Variants in NALCN observed in about 807,000 individuals in gnomAD.
The protein encoded by NALCN is sodium leak channel NALCN.
Under a neutral mutation model 225.3 loss-of-function variants are expected in NALCN, and 111 were observed. The observed-to-expected ratio is 0.49, with a 90% CI of 0.42 to 0.58. NALCN has a LOEUF of 0.58. Ranked by LOEUF, NALCN falls within the 20% of genes least tolerant of loss-of-function variation. NALCN has a pLI of 0.00. For missense variants in NALCN, 1,378 were observed against 2,202.4 expected (o/e 0.63, Z 7.49); for synonymous variants, 764 against 769.0 (o/e 0.99, Z 0.11).
chr13:101,083,596 C>G, intron 31 of NALCN, 115 bp downstream of exon 31: 1 of 985,804 alleles, frequency 1.0e-6, no homozygotes, highest in East Asian at 2.6e-5. Flanking sequence ...TCTGTATTAC[C>G]TTATGCACAA....
chr13:101,080,782 T>A (rs2033601536), intron 34 of NALCN, among the ~76,000 whole-genome samples: 1 of 149,044 alleles, frequency 6.7e-6, no homozygotes. Context: ...ATTTAATAAT[T>A]ATTAACAATT....
rs572458620 is a variant in NALCN, at chr13:101,207,805, TG to T, written c.1627-15752del. 2.0e-5 allele frequency among the ~76,000 whole-genome samples: 3 copies of T among 152,350 alleles called. No individual in the cohort carries two copies. The South Asian group carries it at 6.2e-4, about 32-fold the overall frequency. On this transcript the variant is annotated intron_variant, in intron 13 of 43. Transcript: ENST00000251127. ...CCCAAGCCAGCAGCAGCAACCTGCTTGGGTCCCCTTCCGTGCTGTGGAAGCT... is the reference window on the plus strand; with the variant it reads ...CCCAAGCCAGCAGCAGCAACCTGCTTGGTCCCCTTCCGTGCTGTGGAAGCT...
At chr13:101,137,685 A>G (rs2036869924) in intron 17 of NALCN, among the ~76,000 whole-genome samples, 1 of 152,192 alleles carries the variant, frequency 6.6e-6, no homozygotes, top group African/African-American at 2.4e-5. Context: ...TTGATCAGTA[A>G]TTAATATATT....
At chr13:101,325,055 A>G (rs1033309583) in intron 7 of NALCN, among the ~76,000 whole-genome samples, 1 of 152,152 alleles carries the variant, frequency 6.6e-6, no homozygotes, top group Non-Finnish European at 1.5e-5. Context: ...GGTTCCTGGC[A>G]ATACCAAAAC....
chr13:101,269,429 A>G (rs2042704338), intron 10 of NALCN, among the ~76,000 whole-genome samples: 2 of 152,264 alleles, frequency 1.3e-5, no homozygotes, highest in African/African-American at 2.4e-5. Context: ...GTATTAAATG[A>G]AAGTAATGTT....
At chr13:101,094,496 ATAAT>A (rs1193474518) in intron 28 of NALCN, among the ~76,000 whole-genome samples, 1 of 152,174 alleles carries the variant, frequency 6.6e-6, no homozygotes, top group Non-Finnish European at 1.5e-5. Context: ...ACTTTATGCT[ATAAT>A]TAATTTTTAT....
rs543407307 is a variant in NALCN, at chr13:101,126,067, C to G, written c.2119-1386G>C. 9.2e-5 allele frequency among the ~76,000 whole-genome samples: 14 copies of G among 152,284 alleles called. No homozygotes were observed. The East Asian group carries it at 2.3e-3, about 25-fold the overall frequency. The stretch of plus-strand genomic sequence containing the variant: ...AACTCACAGCACCCCATTCTACAAA[C>G]AAAGCTATGAACAAATGCTATAATG... On this transcript the variant is annotated intron_variant, in intron 17 of 43. Coordinates refer to ENST00000251127, the MANE Select transcript of NALCN (RefSeq NM_052867.4).
chr13:101,251,283 A>G (rs2042053951), intron 11 of NALCN, among the ~76,000 whole-genome samples: 1 of 152,132 alleles, frequency 6.6e-6, no homozygotes, highest in African/African-American at 2.4e-5. Flanking sequence ...TCATGCTTCA[A>G]TCGACATGAA....
chr13:101,394,438 G>A (rs184258729), intron 3 of NALCN, among the ~76,000 whole-genome samples: 2 of 152,242 alleles, frequency 1.3e-5, no homozygotes, highest in Admixed American at 6.5e-5. Flanking sequence ...GATCTGAGTC[G>A]TCTGTCATTT....
intron 11 of NALCN, among the ~76,000 whole-genome samples, chr13:101,244,120 A>C (rs1259475916): frequency 6.6e-6 from 1 of 152,120 alleles, no homozygotes; most frequent in Non-Finnish European, 1.5e-5. Context: ...AGTAATAGGC[A>C]TTCATTACAT....
At chr13:101,066,910 C>A (rs1040328187) in intron 39 of NALCN, among the ~76,000 whole-genome samples, 1 of 152,118 alleles carries the variant, frequency 6.6e-6, no homozygotes, top group South Asian at 2.1e-4. Context: ...CATGAGGTCC[C>A]ACAGCACCCC....
At chr13:101,367,991 T>TTTTAC (rs1164472088) in intron 6 of NALCN, among the ~76,000 whole-genome samples, 1 of 149,770 alleles carries the variant, frequency 6.7e-6, no homozygotes, top group East Asian at 2.1e-4. Flanking sequence ...TTGAAATTTA[T>TTTTAC]TTTATTTTAT....
rs756048159 is a variant in NALCN, at chr13:101,107,541, C to T, written c.2525G>A (p.Arg842Gln). 6 of 1,614,030 alleles carry T rather than the reference C, an allele frequency of 3.7e-6. No individual in the cohort carries two copies. Among genetic ancestry groups the T allele is most frequent in the East Asian group, 2.2e-5 (1 of 44,898 alleles). The change falls in exon 22 of 44, where the codon CGA (arginine) becomes CAA (glutamine). Residue 842 changes from arginine (R) to glutamine (Q), a missense_variant. Arg to Gln is a conservative substitution (Grantham distance 43, BLOSUM62 1). This residue lies in a region of NALCN where 292 missense variants were observed against 409.5 expected (regional missense o/e 0.71). Coordinates refer to ENST00000251127, the MANE Select transcript of NALCN (RefSeq NM_052867.4). ...YFDKPLFIVG[R>Q]EHRFRNFCRV... ...GCAAAAGTTTCTGAACCTGTGTTCT[C>T]GCCCGACAATGAACAGTGGCTTATC...
chr13:101,405,207 G>A (rs923138091), intron 1 of NALCN, among the ~76,000 whole-genome samples: 5 of 152,298 alleles, frequency 3.3e-5, no homozygotes, highest in Admixed American at 6.5e-5. Flanking sequence ...GACAAAAGGC[G>A]ATGCTTAACA....
chr13:101,238,791 T>C (rs1173850411), intron 11 of NALCN, among the ~76,000 whole-genome samples: 1 of 151,956 alleles, frequency 6.6e-6, no homozygotes, highest in East Asian at 1.9e-4. Flanking sequence ...CAGACCTTGC[T>C]TCTCTTCTTC....
At chr13:101,135,489 C>A (rs1297440149) in intron 17 of NALCN, among the ~76,000 whole-genome samples, 1 of 152,318 alleles carries the variant, frequency 6.6e-6, no homozygotes, top group South Asian at 2.1e-4. Context: ...ACCTCCGCCC[C>A]CTGGGCTCAA....
At chr13:101,256,578 G>A (rs938826839) in intron 11 of NALCN, among the ~76,000 whole-genome samples, 2 of 151,946 alleles carry the variant, frequency 1.3e-5, no homozygotes, top group South Asian at 4.1e-4. Flanking sequence ...CTAACCCCAG[G>A]CACCTCTTCC....
intron 14 of NALCN, among the ~76,000 whole-genome samples, chr13:101,179,724 GTCCTCCATATGCGCT>G (rs1039757013): frequency 1.8e-4 from 28 of 152,250 alleles, no homozygotes; most frequent in Middle Eastern, 3.4e-3. Context: ...TCCCAGTGAT[GTCCTCCATATGCGCT>G]TCCTAGAGTA....
chr13:101,387,397 T>C (rs1236609259), intron 3 of NALCN, among the ~76,000 whole-genome samples: 4 of 152,152 alleles, frequency 2.6e-5, no homozygotes, highest in African/African-American at 7.2e-5. Context: ...TGGAAATCAG[T>C]GAATATTAAA....
Sources: gnomAD v4.1 joint callset for allele counts (sites outside exome capture counted in the v4.1 genomes callset) on GRCh38, gnomAD v4.1.1 for gene constraint, gnomAD v4.1.1 regional missense constraint, MANE v1.5 for transcripts, NCBI Gene and HGNC (gene_info 2026-07-23, HGNC 2026-07-21) for gene names.